SRFBP1: variants seen among roughly 807,000 people sequenced by gnomAD.
The protein encoded by SRFBP1 is serum response factor binding protein 1.
A neutral mutation model predicts 45.5 loss-of-function variants in SRFBP1; 47 were observed. The ratio of observed to expected loss-of-function variants is 1.03; its 90% confidence interval spans 0.82 to 1.32. The LOEUF is 1.32. Among genes scored for constraint, SRFBP1 ranks in the 40% most tolerant of loss-of-function variants. The pLI, the probability that SRFBP1 is intolerant of heterozygous loss-of-function variation, is 0.00. For synonymous variants in SRFBP1, 203 were observed against 166.3 expected, an observed-to-expected ratio of 1.22 and a Z score of -1.70; for missense variants, 621 against 484.6, an observed-to-expected ratio of 1.28 and a Z score of -2.64.
At chr5:122,008,187 G>A (rs1357287112) in intron 4 of SRFBP1, among the ~76,000 whole-genome samples, 3 of 151,894 alleles carry the variant, frequency 2.0e-5, no homozygotes, top group Admixed American at 6.5e-5. Flanking sequence ...CTGGCCCGAA[G>A]CCTGGGGCCA....
downstream of SRFBP1, chr5:122,077,250 G>C (rs1163002793): frequency 1.2e-5 from 19 of 1,544,470 alleles, no homozygotes; most frequent in Non-Finnish European, 6.1e-6. This position sits in a 1 kb window ranked among gnomAD's most constrained non-coding sequence, Gnocchi z 4.9. Context: ...GGAGGGATCG[G>C]ATCTGCGAGG....
At chr5:122,005,491 T>C (rs778431975) in intron 4 of SRFBP1, among the ~76,000 whole-genome samples, 2 of 152,182 alleles carry the variant, frequency 1.3e-5, no homozygotes, top group African/African-American at 2.4e-5. Flanking sequence ...TGGAATATCT[T>C]ACTTCATTTC....
chr5:122,031,844 A>G (rs898310423), downstream of SRFBP1, among the ~76,000 whole-genome samples: 1 of 152,158 alleles, frequency 6.6e-6, no homozygotes, highest in Non-Finnish European at 1.5e-5. Flanking sequence ...ACGTGAATGG[A>G]TGAGCCTTAA....
Position 122,052,461 on chromosome 5 carries a change from C to T in SRFBP1, n.312-22854C>T, listed in dbSNP as rs1754006217. ...GCTTTTTACTTTTTTATTCTTTTTT[C>T]TTTATTTTTGTCTGACTGAATTATT... is the stretch of plus-strand genomic sequence containing the variant. On this transcript the variant is annotated intron_variant and non_coding_transcript_variant, in intron 2 of 2. Transcript: ENST00000504881. Among the ~76,000 whole-genome samples, 5 of 151,984 alleles carry T rather than the reference C, an allele frequency of 3.3e-5. No homozygotes were observed. In the South Asian group the frequency reaches 1.0e-3, roughly 32 times the overall value.
rs1048572854 is a variant in SRFBP1, at chr5:121,994,264, C to A, written c.199-335C>A. Among the ~76,000 whole-genome samples, 4 of 152,106 alleles carry A rather than the reference C, an allele frequency of 2.6e-5. No homozygotes were observed. In the East Asian group the frequency reaches 7.7e-4, roughly 29 times the overall value. ...AGCTTTGTCTGAAACACAGTCTCAG[C>A]ACCTGCTTTCTAATTTTTCCTGTTT... On this transcript the variant is annotated intron_variant, in intron 3 of 7. Transcript: ENST00000339397.
intron 3 of SRFBP1, among the ~76,000 whole-genome samples, chr5:121,993,745 T>A (rs1249983613): frequency 6.6e-6 from 1 of 152,156 alleles, no homozygotes; most frequent in Non-Finnish European, 1.5e-5. Context: ...AGTTTTGATA[T>A]GTAGCATTTT....
intron 2 of SRFBP1, among the ~76,000 whole-genome samples, chr5:122,034,875 T>TGTTA (rs994761358): frequency 1.3e-5 from 2 of 152,158 alleles, no homozygotes; most frequent in Non-Finnish European, 2.9e-5. Flanking sequence ...ATCTTGGGAT[T>TGTTA]GTTACTCTTA....
intron 2 of SRFBP1, among the ~76,000 whole-genome samples, chr5:122,050,867 T>C (rs1389177002): frequency 6.6e-6 from 1 of 152,126 alleles, no homozygotes; most frequent in Non-Finnish European, 1.5e-5. Context: ...AGATCTTTCT[T>C]ACTTTTTAAT....
chr5:121,987,003 A>G (rs78301343), intron 3 of SRFBP1, among the ~76,000 whole-genome samples: 3,600 of 152,236 alleles, frequency 0.024, 145 homozygotes, highest in African/African-American at 0.082. Flanking sequence ...CGAGTACTGA[A>G]AGAATTTAAA....
rs1484897248 is a variant in SRFBP1 at position 122,027,017 on chromosome 5, A to C, written c.1181A>C (p.Gln394Pro). The C allele has an allele frequency of 6.2e-7, 1 of 1,612,726 alleles. No individual in the cohort carries two copies. ...KLSGRLENTK[Q>P]QLQLPLHPSW... is the part of the protein sequence containing the mutation. ...TCAGGAAGACTTGAAAATACAAAAC[A>C]GCAATTGCAGCTGCCTCTTCATCCT... The change falls in exon 8 of 8, where the codon CAG becomes CCG. Residue 394 changes from glutamine (Q) to proline (P), a missense_variant. Gln to Pro is a moderately conservative substitution (Grantham distance 76). Transcript: ENST00000339397.
intron 1 of SRFBP1, among the ~76,000 whole-genome samples, chr5:121,966,784 T>A (rs974019396): frequency 5.3e-5 from 8 of 151,598 alleles, no homozygotes; most frequent in East Asian, 3.9e-4. Flanking sequence ...TTTTTATTTT[T>A]TATTTTTTTT....
At chr5:121,963,592 A>G (rs1751996439) in intron 1 of SRFBP1, among the ~76,000 whole-genome samples, 1 of 152,204 alleles carries the variant, frequency 6.6e-6, no homozygotes, top group Admixed American at 6.5e-5. Context: ...AACCTTCATT[A>G]ACTCCTCTCG....
intron 7 of SRFBP1, 145 bp downstream of exon 7, chr5:122,022,552 A>C: frequency 1.6e-6 from 1 of 628,100 alleles, no homozygotes; most frequent in Non-Finnish European, 2.4e-6. Context: ...ACAATTATCA[A>C]TATAATTTTT....
intron 3 of SRFBP1, among the ~76,000 whole-genome samples, chr5:121,993,637 G>A (rs1020799435): frequency 6.6e-6 from 1 of 151,908 alleles, no homozygotes; most frequent in Non-Finnish European, 1.5e-5. Context: ...AGGTAATTTC[G>A]GTTACTTTTA....
At chr5:121,995,597 T>A (rs899653185) in intron 4 of SRFBP1, among the ~76,000 whole-genome samples, 1 of 151,840 alleles carries the variant, frequency 6.6e-6, no homozygotes, top group African/African-American at 2.4e-5. Context: ...ACATCACAAT[T>A]AAAAGAACTA....
intron 2 of SRFBP1, among the ~76,000 whole-genome samples, chr5:122,037,221 G>A (rs1031989626): frequency 6.6e-6 from 1 of 152,152 alleles, no homozygotes; most frequent in Non-Finnish European, 1.5e-5. Flanking sequence ...GTGAATCATT[G>A]AGCCTCAGGG....
At chr5:122,060,107 G>A (rs898963200) in intron 2 of SRFBP1, among the ~76,000 whole-genome samples, 4 of 152,048 alleles carry the variant, frequency 2.6e-5, no homozygotes, top group African/African-American at 9.7e-5. Flanking sequence ...GTGGGAATGA[G>A]CAGACTAGTT....
chr5:122,035,371 T>TTA (rs1753676437), intron 2 of SRFBP1, among the ~76,000 whole-genome samples: 2 of 152,152 alleles, frequency 1.3e-5, no homozygotes, highest in Admixed American at 6.5e-5. Context: ...TCTCAGGGCT[T>TTA]CATAGTCTCA....
At chr5:122,023,298 T>A (rs1265536700) in intron 7 of SRFBP1, among the ~76,000 whole-genome samples, 1 of 152,160 alleles carries the variant, frequency 6.6e-6, no homozygotes, top group Non-Finnish European at 1.5e-5. Flanking sequence ...CACACTTACC[T>A]CCTTCCCAAG....
Sources: gnomAD v4.1 joint callset for allele counts (sites outside exome capture counted in the v4.1 genomes callset) on GRCh38, gnomAD v4.1.1 for gene constraint, Gnocchi (gnomAD v3.1) non-coding constraint, MANE v1.5 for transcripts, NCBI Gene and HGNC (gene_info 2026-07-23, HGNC 2026-07-21) for gene names.